Variants in PRKG1 observed in about 807,000 individuals in gnomAD.
PRKG1 encodes cGMP-dependent protein kinase 1.
Under a neutral mutation model 88.1 loss-of-function variants are expected in PRKG1, and 35 were observed. The observed-to-expected ratio is 0.40, with a 90% CI of 0.30 to 0.53. The LOEUF (loss-of-function observed/expected upper bound fraction) is 0.53, where lower values mean the gene tolerates loss of function less well. Among genes scored for constraint, PRKG1 ranks in the 20% least tolerant of loss-of-function variants. The pLI, the probability that PRKG1 is intolerant of heterozygous loss-of-function variation, is 0.59. For missense variants in PRKG1, 540 were observed against 839.8 expected, an observed-to-expected ratio of 0.64 and a Z score of 4.41; for synonymous variants, 303 against 292.5, an observed-to-expected ratio of 1.04 and a Z score of -0.37.
intron 3 of PRKG1, among the ~76,000 whole-genome samples, chr10:51,612,477 T>A (rs1256233380): frequency 6.6e-6 from 1 of 152,094 alleles, no homozygotes; most frequent in Non-Finnish European, 1.5e-5. Flanking sequence ...GTATGTTGAT[T>A]TTGTATCTAG....
At chr10:51,947,163 A>G (rs1843060842) in intron 5 of PRKG1, among the ~76,000 whole-genome samples, 1 of 151,038 alleles carries the variant, frequency 6.6e-6, no homozygotes, top group African/African-American at 2.5e-5. Flanking sequence ...AAGCCTGGGC[A>G]ATGGCAGGCT....
intron 4 of PRKG1, among the ~76,000 whole-genome samples, chr10:51,858,643 A>C (rs1290040540): frequency 6.7e-6 from 1 of 150,296 alleles, no homozygotes; most frequent in East Asian, 2.0e-4. Flanking sequence ...ATGCCTGTAC[A>C]TTTTTGTACC....
intron 7 of PRKG1, among the ~76,000 whole-genome samples, chr10:52,067,232 A>T (rs890597167): frequency 6.6e-6 from 1 of 152,230 alleles, no homozygotes; most frequent in African/African-American, 2.4e-5. Flanking sequence ...TTGTAGAGCC[A>T]GCATTCTCTG....
chr10:51,118,487 T>C (rs1340645393), intron 1 of PRKG1, among the ~76,000 whole-genome samples: 1 of 152,160 alleles, frequency 6.6e-6, no homozygotes, highest in East Asian at 1.9e-4. Context: ...TTAAAAATGA[T>C]AATAACTCTG....
At chr10:51,963,587 A>G (rs1400475170) in intron 5 of PRKG1, among the ~76,000 whole-genome samples, 2 of 151,900 alleles carry the variant, frequency 1.3e-5, no homozygotes, top group Non-Finnish European at 2.9e-5. Flanking sequence ...CAGCCACCCG[A>G]GTAGCTGGGA....
At chr10:51,367,794 G>A (rs751348487) in intron 2 of PRKG1, among the ~76,000 whole-genome samples, 13 of 151,918 alleles carry the variant, frequency 8.6e-5, no homozygotes, top group Non-Finnish European at 1.6e-4. Flanking sequence ...TGGTCCAGTA[G>A]TAAATTGGTA....
chr10:52,214,772 TGAG>T (rs1005430204), intron 9 of PRKG1, among the ~76,000 whole-genome samples: 42 of 151,970 alleles, frequency 2.8e-4, no homozygotes, highest in African/African-American at 1.0e-3. Flanking sequence ...ACAAATGTAA[TGAG>T]GAAAGCCCAG....
At chr10:51,297,473 A>T (rs530131872) in intron 2 of PRKG1, among the ~76,000 whole-genome samples, 11 of 152,152 alleles carry the variant, frequency 7.2e-5, no homozygotes, top group Admixed American at 6.5e-4. Context: ...TCATATTATA[A>T]TTTTATACTT....
chr10:51,930,866 T>C (rs1317533926), intron 5 of PRKG1, among the ~76,000 whole-genome samples: 3 of 152,156 alleles, frequency 2.0e-5, no homozygotes, highest in African/African-American at 7.2e-5. Context: ...ATATTCTCAC[T>C]TAGGAAAATA....
chr10:51,569,687 C>A (rs927081692), intron 3 of PRKG1, among the ~76,000 whole-genome samples: 3 of 151,950 alleles, frequency 2.0e-5, no homozygotes, highest in Admixed American at 6.6e-5. Flanking sequence ...AGGTTTCATA[C>A]AGAGCAGTTT....
In PRKG1 at chr10:51,907,667, G is replaced by C. The variant is rs1842115539; in HGVS notation, c.762+97G>C. The C allele has an allele frequency of 4.5e-6, 5 of 1,122,362 alleles. No homozygotes were observed. In the South Asian group the frequency reaches 5.9e-5, roughly 13 times the overall value. 69.5% of individuals were successfully genotyped at this position (1,122,362 alleles called of 1,614,324 possible). A position where few individuals can be genotyped will look rare whatever the true frequency, so the allele number is the denominator to read the frequency against. On this transcript the variant is annotated intron_variant, in intron 5 of 17. Coordinates refer to ENST00000373980, the MANE Select transcript of PRKG1 (RefSeq NM_006258.4). ...GTGATGAGGAATCACAAACTGCAGA[G>C]ATCTTTAAAAAATTTCTAAGCTCTG...
At chr10:51,252,146 G>T (rs189960203) in intron 2 of PRKG1, among the ~76,000 whole-genome samples, 91 of 151,766 alleles carry the variant, frequency 6.0e-4, no homozygotes, top group African/African-American at 2.0e-3. Flanking sequence ...ACAATGAGCC[G>T]CACAGATGAC....
intron 2 of PRKG1, among the ~76,000 whole-genome samples, chr10:51,221,681 A>T (rs932568030): frequency 4.0e-5 from 6 of 151,752 alleles, no homozygotes; most frequent in African/African-American, 1.5e-4. Context: ...TTTAACTTTA[A>T]AGTAGAGCTC....
intron 2 of PRKG1, among the ~76,000 whole-genome samples, chr10:51,272,314 A>G (rs1475951131): frequency 6.6e-6 from 1 of 151,630 alleles, no homozygotes; most frequent in Non-Finnish European, 1.5e-5. Flanking sequence ...CAATGAGAAC[A>G]CGTGGACACA....
At chr10:51,190,016 A>G (rs1375861069) in intron 2 of PRKG1, among the ~76,000 whole-genome samples, 1 of 151,928 alleles carries the variant, frequency 6.6e-6, no homozygotes, top group East Asian at 1.9e-4. Flanking sequence ...GTAACCTACT[A>G]TACATGCGCC....
chr10:51,976,436 C>G (rs955260016), intron 5 of PRKG1, among the ~76,000 whole-genome samples: 89 of 151,930 alleles, frequency 5.9e-4, no homozygotes, highest in African/African-American at 2.0e-3. Flanking sequence ...GGAATGAAGT[C>G]CTTATAAATG....
intron 3 of PRKG1, among the ~76,000 whole-genome samples, chr10:51,522,125 G>A (rs2132078261): frequency 6.6e-6 from 1 of 152,202 alleles, no homozygotes; most frequent in South Asian, 2.1e-4. Flanking sequence ...TGTTAATTCT[G>A]TAGGTCTAGG....
At chr10:51,443,084 T>C (rs1839169526) in intron 2 of PRKG1, among the ~76,000 whole-genome samples, 1 of 144,536 alleles carries the variant, frequency 6.9e-6, no homozygotes, top group Admixed American at 6.8e-5. Flanking sequence ...TTTAAGAGCA[T>C]GCAGCATGAG....
chr10:51,988,187 G>A (rs1011385163), intron 5 of PRKG1, among the ~76,000 whole-genome samples: 1 of 151,798 alleles, frequency 6.6e-6, no homozygotes, highest in Non-Finnish European at 1.5e-5. Context: ...ATATTGTTTG[G>A]TATGTACTAA....
Sources: allele counts gnomAD v4.1 joint callset (sites outside exome capture counted in the v4.1 genomes callset), GRCh38; gene constraint gnomAD v4.1.1; transcripts MANE v1.5; gene names NCBI Gene and HGNC (gene_info 2026-07-23, HGNC 2026-07-21).